The following CNTNAP2 variants were observed in gnomAD, a reference collection of about 807,000 sequenced individuals.
CNTNAP2 encodes the protein contactin associated protein 2.
A neutral mutation model predicts 155.2 loss-of-function variants in CNTNAP2; 98 were observed. The ratio of observed to expected loss-of-function variants is 0.63; its 90% CI spans 0.54 to 0.75. The LOEUF (loss-of-function observed/expected upper bound fraction) is 0.75, where lower values mean the gene tolerates loss of function less well. Among genes scored for constraint, CNTNAP2 ranks in the 30% least tolerant of loss-of-function variants. The pLI is 0.00. For missense variants in CNTNAP2, 1,727 were observed against 1,688.1 expected (o/e 1.02, Z -0.40); for synonymous variants, 651 against 631.2 (o/e 1.03, Z -0.47).
intron 22 of CNTNAP2, among the ~76,000 whole-genome samples, chr7:148,396,711 T>G (rs57080781): frequency 0.017 from 2,575 of 152,338 alleles, 70 homozygotes; most frequent in African/African-American, 0.057. Flanking sequence ...TCCTTTGAGA[T>G]CTTTGTCTGA....
At chr7:148,409,817 C>G (rs1224184394) in intron 23 of CNTNAP2, among the ~76,000 whole-genome samples, 1 of 59,798 alleles carries the variant, frequency 1.7e-5, no homozygotes, top group Non-Finnish European at 3.5e-5. Context: ...TTTGGGAGGC[C>G]GAGGCGGGCG....
intron 10 of CNTNAP2, among the ~76,000 whole-genome samples, chr7:147,442,052 AG>A (rs922262168): frequency 2.0e-5 from 3 of 152,090 alleles, no homozygotes; most frequent in African/African-American, 7.2e-5. Flanking sequence ...GGGACTCAGC[AG>A]GGGGCAAAAC....
intron 8 of CNTNAP2, among the ~76,000 whole-genome samples, chr7:147,270,545 T>C (rs1281434770): frequency 6.6e-6 from 1 of 152,218 alleles, no homozygotes; most frequent in Non-Finnish European, 1.5e-5. Flanking sequence ...ACATTGCTAT[T>C]TGAGCAATGA....
At chr7:146,725,434 T>G (rs1262422791) in intron 1 of CNTNAP2, among the ~76,000 whole-genome samples, 1 of 152,132 alleles carries the variant, frequency 6.6e-6, no homozygotes, top group African/African-American at 2.4e-5. Flanking sequence ...ACAAGCTAAT[T>G]TGGGGAAATA....
At chr7:146,593,760 A>G (rs1316816563) in intron 1 of CNTNAP2, among the ~76,000 whole-genome samples, 1 of 152,148 alleles carries the variant, frequency 6.6e-6, no homozygotes, top group African/African-American at 2.4e-5. Context: ...TCTCAACTGA[A>G]AAAAGGTTTT....
At chr7:146,846,604 A>T (rs146287684) in intron 3 of CNTNAP2, among the ~76,000 whole-genome samples, 245 of 152,246 alleles carry the variant, frequency 1.6e-3, no homozygotes, top group African/African-American at 5.6e-3. Context: ...CTAAATACAC[A>T]TTTGTATGGT....
At position 148,118,236 on chromosome 7, in the gene CNTNAP2, A is replaced by G; in HGVS notation, c.2502A>G (p.Gly834=). The G allele has an allele frequency of 1.2e-6, 2 of 1,614,086 alleles. No homozygotes were observed. Among genetic ancestry groups the G allele is most frequent in the Non-Finnish European group, 1.7e-6 (2 of 1,180,002 alleles). ...ACTTCAAAACATTAACCCCCTGGGG[A>G]GTGTTTCTTGAAAATATGGGAAAGG... is the stretch of plus-strand genomic sequence containing the variant. ...SFYFKTLTPW[G]VFLENMGKED... Residue 834 remains glycine, a synonymous_variant, in exon 16 of 24, where the codon GGA becomes GGG. Transcript: ENST00000361727.
intron 13 of CNTNAP2, among the ~76,000 whole-genome samples, chr7:147,701,580 C>A (rs991673633): frequency 6.6e-6 from 1 of 152,120 alleles, no homozygotes; most frequent in Non-Finnish European, 1.5e-5. Context: ...CGGCTTTTTT[C>A]ATAATTTCCA....
chr7:147,609,429 G>C (rs1490396009), intron 12 of CNTNAP2, among the ~76,000 whole-genome samples: 1 of 152,114 alleles, frequency 6.6e-6, no homozygotes, highest in Non-Finnish European at 1.5e-5. Flanking sequence ...TACTCAGGAG[G>C]CTGAGGCGGG....
At chr7:147,784,628 G>A (rs1343450404) in intron 13 of CNTNAP2, among the ~76,000 whole-genome samples, 1 of 144,122 alleles carries the variant, frequency 6.9e-6, no homozygotes, top group Admixed American at 7.0e-5. Flanking sequence ...CTTGGTTTTA[G>A]GAGGATGGGA....
At chr7:146,874,338 T>G (rs765482424) in intron 3 of CNTNAP2, among the ~76,000 whole-genome samples, 1 of 152,146 alleles carries the variant, frequency 6.6e-6, no homozygotes, top group South Asian at 2.1e-4. Context: ...TTTTTATTTT[T>G]ATTTTATTTT....
At chr7:148,395,566 G>A (rs1330529179) in intron 22 of CNTNAP2, among the ~76,000 whole-genome samples, 1 of 151,930 alleles carries the variant, frequency 6.6e-6, no homozygotes, top group African/African-American at 2.4e-5. Flanking sequence ...TTGAAAAGCA[G>A]TTGGGGGTGC....
At chr7:148,144,695 T>A (rs960609935) in intron 16 of CNTNAP2, among the ~76,000 whole-genome samples, 7 of 152,190 alleles carry the variant, frequency 4.6e-5, no homozygotes, top group Non-Finnish European at 1.0e-4. Flanking sequence ...GCTATATGCA[T>A]CCAATTCTCA....
At chr7:147,799,367 T>A (rs989759257) in intron 13 of CNTNAP2, among the ~76,000 whole-genome samples, 1 of 152,132 alleles carries the variant, frequency 6.6e-6, no homozygotes, top group East Asian at 1.9e-4. Context: ...CCTGCAATCA[T>A]GTAGTAAATC....
chr7:147,737,714 A>T (rs1368918269), intron 13 of CNTNAP2, among the ~76,000 whole-genome samples: 1 of 152,158 alleles, frequency 6.6e-6, no homozygotes, highest in Non-Finnish European at 1.5e-5. Flanking sequence ...AGCCTCAGCA[A>T]TGGCGGGCAC....
chr7:146,816,736 G>A (rs1803178297), intron 2 of CNTNAP2, among the ~76,000 whole-genome samples: 1 of 152,164 alleles, frequency 6.6e-6, no homozygotes, highest in Non-Finnish European at 1.5e-5. Context: ...AGGCAGTAAA[G>A]CACGGTGGTT....
At chr7:147,619,785 C>G (rs1801358559) in intron 12 of CNTNAP2, among the ~76,000 whole-genome samples, 1 of 152,172 alleles carries the variant, frequency 6.6e-6, no homozygotes, top group Admixed American at 6.5e-5. Flanking sequence ...ATAGGCCTGG[C>G]TGGCTGTGCT....
intron 15 of CNTNAP2, among the ~76,000 whole-genome samples, chr7:148,026,415 C>A (rs1802376806): frequency 6.6e-6 from 1 of 152,046 alleles, no homozygotes; most frequent in African/African-American, 2.4e-5. Context: ...TGTGCCACTG[C>A]CTTTCAGCCT....
intron 17 of CNTNAP2, among the ~76,000 whole-genome samples, chr7:148,161,775 C>A (rs1486271205): frequency 6.6e-6 from 1 of 152,238 alleles, no homozygotes; most frequent in African/African-American, 2.4e-5. Flanking sequence ...TGACTTCTTG[C>A]TCTTATTTAA....
Sources: allele counts gnomAD v4.1 joint callset (sites outside exome capture counted in the v4.1 genomes callset), GRCh38; gene constraint gnomAD v4.1.1; transcripts MANE v1.5; gene names NCBI Gene and HGNC (gene_info 2026-07-23, HGNC 2026-07-21).